The following FOXO3 variants were observed in gnomAD, a reference collection of about 807,000 sequenced individuals.
FOXO3 encodes the protein forkhead box O3.
Under a neutral mutation model 41.9 loss-of-function variants are expected in FOXO3, and 4 were observed. That is an observed-to-expected ratio of 0.10 (90% CI 0.05 to 0.22). FOXO3 has a LOEUF of 0.22. Ranked by LOEUF, FOXO3 falls within the 10% of genes least tolerant of loss-of-function variation. The probability of loss-of-function intolerance (pLI) is 1.00; values close to 1 mark genes in which losing one functional copy is unlikely to be tolerated. For missense variants in FOXO3, 534 were observed against 906.8 expected, an observed-to-expected ratio of 0.59 and a Z score of 5.28; for synonymous variants, 318 against 389.3, an observed-to-expected ratio of 0.82 and a Z score of 2.16.
chr6:108,626,990 A>G (rs535732501), intron 1 of FOXO3, among the ~76,000 whole-genome samples: 39 of 152,308 alleles, frequency 2.6e-4, no homozygotes, highest in African/African-American at 7.9e-4. Context: ...ATACTGATTG[A>G]TGGTGGCTTC....
At chr6:108,648,623 A>G (rs1031958140) in intron 1 of FOXO3, among the ~76,000 whole-genome samples, 2 of 152,154 alleles carry the variant, frequency 1.3e-5, no homozygotes, top group African/African-American at 4.8e-5. Context: ...AAAGATGGCT[A>G]GAGATGATCA....
intron 1 of FOXO3, among the ~76,000 whole-genome samples, chr6:108,563,688 C>T (rs9372189): frequency 0.047 from 7,175 of 152,176 alleles, 301 homozygotes; most frequent in South Asian, 0.21. Context: ...CGTAGGAAGG[C>T]GTTTTCACCT....
chr6:108,586,388 G>A (rs916854150), intron 1 of FOXO3, among the ~76,000 whole-genome samples: 2 of 152,052 alleles, frequency 1.3e-5, no homozygotes, highest in African/African-American at 2.4e-5. Context: ...TCTAATAAAC[G>A]ACATTCTCCT....
intron 1 of FOXO3, among the ~76,000 whole-genome samples, chr6:108,580,583 C>A (rs1776389656): frequency 6.6e-6 from 1 of 152,216 alleles, no homozygotes; most frequent in African/African-American, 2.4e-5. Flanking sequence ...AGTGGGACTC[C>A]TGTATCAGTA....
At chr6:108,562,187 G>A (rs1306090678) in intron 1 of FOXO3, among the ~76,000 whole-genome samples, 1 of 152,072 alleles carries the variant, frequency 6.6e-6, no homozygotes, top group African/African-American at 2.4e-5. Flanking sequence ...CCGTAGTGGG[G>A]GTCTGGTGCG....
chr6:108,604,918 G>C (rs1375933453), intron 1 of FOXO3, among the ~76,000 whole-genome samples: 1 of 152,096 alleles, frequency 6.6e-6, no homozygotes, highest in African/African-American at 2.4e-5. Flanking sequence ...TAAGAAGAGA[G>C]AAAAAGGTAT....
intron 2 of FOXO3, among the ~76,000 whole-genome samples, chr6:108,674,294 G>T (rs950461954): frequency 1.3e-5 from 2 of 152,184 alleles, no homozygotes; most frequent in East Asian, 1.9e-4. Context: ...CTTCCAGGAG[G>T]ATGGTTCTTT....
chr6:108,589,773 A>C (rs1776685000), intron 1 of FOXO3, among the ~76,000 whole-genome samples: 1 of 152,212 alleles, frequency 6.6e-6, no homozygotes, highest in African/African-American at 2.4e-5. Flanking sequence ...TTTGGATTAC[A>C]CAGTGTTGCC....
intron 1 of FOXO3, among the ~76,000 whole-genome samples, chr6:108,589,119 G>A (rs959637217): frequency 1.3e-5 from 2 of 152,222 alleles, no homozygotes; most frequent in Non-Finnish European, 2.9e-5. Context: ...ATGGAGTCCT[G>A]TGGACTGTTT....
intron 1 of FOXO3, among the ~76,000 whole-genome samples, chr6:108,568,256 C>T (rs932641508): frequency 1.3e-5 from 2 of 150,212 alleles, no homozygotes; most frequent in Non-Finnish European, 3.0e-5. Flanking sequence ...TACCACTGTA[C>T]TGTAGTGTCT....
chr6:108,603,215 C>T (rs904455835), intron 1 of FOXO3, among the ~76,000 whole-genome samples: 2 of 151,866 alleles, frequency 1.3e-5, no homozygotes, highest in Admixed American at 1.3e-4. Flanking sequence ...AGGATGACTT[C>T]GATGAGGTTG....
intron 1 of FOXO3, among the ~76,000 whole-genome samples, chr6:108,563,366 A>G (rs574724057): frequency 1.2e-4 from 19 of 152,384 alleles, no homozygotes; most frequent in South Asian, 1.2e-3. Flanking sequence ...GTTTAATTCA[A>G]TTGCTTTGTA....
chr6:108,659,164 C>T (rs979875820), intron 1 of FOXO3, among the ~76,000 whole-genome samples: 2 of 152,024 alleles, frequency 1.3e-5, no homozygotes, highest in Non-Finnish European at 2.9e-5. Flanking sequence ...GAATTATAGG[C>T]GTCAGGCACT....
intron 1 of FOXO3, among the ~76,000 whole-genome samples, chr6:108,572,094 C>CT (rs1776119551): frequency 6.6e-6 from 1 of 152,060 alleles, no homozygotes; most frequent in African/African-American, 2.4e-5. Flanking sequence ...TACTGAATTT[C>CT]TTTTTCTCTG....
chr6:108,656,372 A>T, intron 1 of FOXO3: 1 of 985,368 alleles, frequency 1.0e-6, no homozygotes, highest in Non-Finnish European at 1.2e-6. Context: ...CAAGGTAAAC[A>T]TGGTTTGGAA....
At chr6:108,644,593 G>T (rs371838542) in intron 1 of FOXO3, among the ~76,000 whole-genome samples, 1 of 152,058 alleles carries the variant, frequency 6.6e-6, no homozygotes, top group African/African-American at 2.4e-5. Flanking sequence ...TCTTTCTTTT[G>T]TCTGATCCCT....
chr6:108,587,253 C>T (rs1776607041), intron 1 of FOXO3, among the ~76,000 whole-genome samples: 1 of 152,138 alleles, frequency 6.6e-6, no homozygotes, highest in Non-Finnish European at 1.5e-5. Flanking sequence ...CTGCTCACTC[C>T]ATTTCCTAGT....
At chr6:108,593,399 T>C (rs1309949199) in intron 1 of FOXO3, among the ~76,000 whole-genome samples, 1 of 152,116 alleles carries the variant, frequency 6.6e-6, no homozygotes, top group Non-Finnish European at 1.5e-5. Flanking sequence ...TTTCTTTTTT[T>C]TTTTGAGATG....
intron 1 of FOXO3, among the ~76,000 whole-genome samples, chr6:108,642,151 C>T (rs1166435218): frequency 1.3e-5 from 2 of 149,766 alleles, no homozygotes; most frequent in African/African-American, 4.9e-5. Context: ...TACAGAGGCA[C>T]GATCTCAACT....
Sources: gnomAD v4.1 joint callset for allele counts (sites outside exome capture counted in the v4.1 genomes callset) on GRCh38, gnomAD v4.1.1 for gene constraint, MANE v1.5 for transcripts, NCBI Gene and HGNC (gene_info 2026-07-23, HGNC 2026-07-21) for gene names.